SMYD1: variants seen among roughly 807,000 people sequenced by gnomAD.
SMYD1 encodes the protein SET and MYND domain containing 1.
Under a neutral mutation model 54.0 loss-of-function variants are expected in SMYD1, and 49 were observed. The observed-to-expected ratio is 0.91, with a 90% CI of 0.72 to 1.15. The LOEUF is 1.15. Ranked by LOEUF, SMYD1 falls within the 50% of genes most tolerant of loss-of-function variation. SMYD1 has a pLI of 0.00. For missense variants in SMYD1, 653 were observed against 639.6 expected, an observed-to-expected ratio of 1.02 and a Z score of -0.23; for synonymous variants, 269 against 234.2, an observed-to-expected ratio of 1.15 and a Z score of -1.36.
In SMYD1 at chr2:88,087,887, G is replaced by C; in HGVS notation, c.340G>C (p.Val114Leu). ...GCTGGCGGCGCGCATCATGTGGCGG[G>C]TGGAGAGAGAAGGCACCGGGCTCAC... ...IRLAARIMWR[V>L]EREGTGLTEG... The change falls in exon 3 of 10, where the codon GTG (valine) becomes CTG (leucine). Residue 114 changes from valine to leucine, a missense_variant. Physicochemically the swap from Val to Leu is conservative, Grantham distance 32 (BLOSUM62 1). Coordinates refer to ENST00000419482, the MANE Select transcript of SMYD1 (RefSeq NM_198274.4). 1 of 1,599,252 alleles carries C rather than the reference G, an allele frequency of 6.3e-7. No individual in the cohort carries two copies. Among genetic ancestry groups the C allele is most frequent in the Non-Finnish European group, 8.5e-7 (1 of 1,171,752 alleles).
chr2:88,093,651 C>T, intron 5 of SMYD1, 96 bp downstream of exon 5: 2 of 1,337,412 alleles, frequency 1.5e-6, no homozygotes, highest in East Asian at 2.3e-5. Context: ...TTCTTGGCTG[C>T]CATCTGTCCA....
Position 88,096,664 on chromosome 2 carries a change from C to T in SMYD1, c.768C>T (p.Leu256=), listed in dbSNP as rs1298361507. 1 of 1,614,180 alleles carries T rather than the reference C, an allele frequency of 6.2e-7. No individual in the cohort carries two copies. Among genetic ancestry groups the T allele is most frequent in the Non-Finnish European group, 8.5e-7 (1 of 1,180,026 alleles). Residue 256 remains leucine (L), a synonymous_variant, in exon 6 of 10, where the codon CTC becomes CTT. Transcript: ENST00000419482. The part of the protein sequence containing the change: ...EELTVSYIDF[L]NVSEERKRQL... ...TGACTGTGTCCTATATTGACTTCCT[C>T]AACGTTAGTGAAGAACGCAAGAGGC...
At chr2:88,108,152 G>C (rs1232946792) in intron 8 of SMYD1, among the ~76,000 whole-genome samples, 3 of 152,196 alleles carry the variant, frequency 2.0e-5, no homozygotes, top group African/African-American at 7.2e-5. Context: ...GGGCAGCCCA[G>C]GCCGGAGTTT....
At chr2:88,102,558 C>T (rs974441474) in intron 6 of SMYD1, among the ~76,000 whole-genome samples, 2 of 152,156 alleles carry the variant, frequency 1.3e-5, no homozygotes, top group African/African-American at 4.8e-5. Flanking sequence ...TTAATGAACT[C>T]GAAGACAAAT....
At chr2:88,072,014 A>C (rs1259559183) in intron 1 of SMYD1, among the ~76,000 whole-genome samples, 1 of 152,098 alleles carries the variant, frequency 6.6e-6, no homozygotes, top group African/African-American at 2.4e-5. Flanking sequence ...AAAAAAAAAA[A>C]AAACCCCAGC....
intron 3 of SMYD1, among the ~76,000 whole-genome samples, chr2:88,090,616 A>G (rs1674439449): frequency 6.6e-6 from 1 of 151,906 alleles, no homozygotes; most frequent in Non-Finnish European, 1.5e-5. Flanking sequence ...GGCAGAGGAA[A>G]CAGGGGAAGG....
chr2:88,070,715 G>A (rs1418016281), intron 1 of SMYD1, among the ~76,000 whole-genome samples: 5 of 151,734 alleles, frequency 3.3e-5, no homozygotes, highest in Admixed American at 6.6e-5. Context: ...AGAACCAGGC[G>A]GGCGGATCAC....
chr2:88,106,748 T>C (rs1382629908), intron 8 of SMYD1, among the ~76,000 whole-genome samples: 1 of 152,216 alleles, frequency 6.6e-6, no homozygotes, highest in Non-Finnish European at 1.5e-5. Flanking sequence ...ATCACTTGGG[T>C]GGCATCTTCT....
At chr2:88,085,878 G>A (rs961641500) in intron 2 of SMYD1, among the ~76,000 whole-genome samples, 9 of 152,200 alleles carry the variant, frequency 5.9e-5, no homozygotes, top group African/African-American at 1.4e-4. Flanking sequence ...GATGAAAAAC[G>A]TTCTGGAAAC....
intron 6 of SMYD1, 86 bp from the exon 7 acceptor site, chr2:88,102,972 T>C (rs1482248367): frequency 2.0e-6 from 2 of 1,012,516 alleles, no homozygotes; most frequent in Non-Finnish European, 3.1e-6. Flanking sequence ...TTGTGCTACA[T>C]TGAATGTCAA....
In SMYD1 at chr2:88,111,971, C is replaced by T; in HGVS notation, c.*1459C>T. 2 of 683,112 alleles carry T rather than the reference C, an allele frequency of 2.9e-6. No homozygotes were observed. The highest frequency in any genetic ancestry group is 2.7e-5 in the East Asian group (1 of 36,942). 42.3% of individuals were successfully genotyped at this position (683,112 alleles called of 1,614,324 possible). ...GCCTAAATGTTAGCTTCTCCATCCT[C>T]ACCACATGATGACCTGCTGTGTCCC... On this transcript the variant is annotated 3_prime_UTR_variant, in exon 10 of 10. Transcript: ENST00000419482.
At chr2:88,100,061 C>A (rs964382444) in intron 6 of SMYD1, among the ~76,000 whole-genome samples, 2 of 151,724 alleles carry the variant, frequency 1.3e-5, no homozygotes, top group Non-Finnish European at 2.9e-5. Flanking sequence ...TGGCTCCTCC[C>A]CCCCTCTTCC....
Position 88,087,870 on chromosome 2 carries a change from C to A in SMYD1, c.323C>A (p.Ala108Glu). Residue 108 changes from alanine (A) to glutamate (E), a missense_variant, in exon 3 of 10, where the codon GCG becomes GAG. By Grantham distance (107) the Ala-to-Glu change is moderately radical. Transcript: ENST00000419482. ...CGCTGCCCTTCCCACAGGCTGGCGG[C>A]GCGCATCATGTGGCGGGTGGAGAGA... is the stretch of plus-strand genomic sequence containing the variant. ...KVPNENIRLA[A>E]RIMWRVEREG... 6.3e-7 allele frequency: 1 copy of A among 1,580,392 alleles called. No individual in the cohort carries two copies.
chr2:88,085,070 T>C (rs988880686), intron 2 of SMYD1, among the ~76,000 whole-genome samples: 1 of 152,034 alleles, frequency 6.6e-6, no homozygotes, highest in Admixed American at 6.5e-5. Context: ...TATTTTTAAA[T>C]TGATCCACCA....
rs61024525 is a variant in SMYD1, at chr2:88,070,942, C to CAAAAAAAAAA, written c.137+2957_137+2966dup. On this transcript the variant is annotated intron_variant, in intron 1 of 9. Transcript: ENST00000419482. ...TGGGTGACAGAGCAAGACTATTTCT[C>CAAAAAAAAAA]AAAAAAAAAAAAAAAAAAAAAAAAA... Among the ~76,000 whole-genome samples the CAAAAAAAAAA allele has an allele frequency of 6.7e-5, 4 of 60,128 alleles. 1 individual carries two copies. The highest frequency in any genetic ancestry group is 9.3e-5 in the Non-Finnish European group (3 of 32,114). 39.4% of individuals were successfully genotyped at this position (60,128 alleles called of 152,430 possible).
chr2:88,103,817 T>C (rs779931560), intron 7 of SMYD1, among the ~76,000 whole-genome samples: 47 of 152,162 alleles, frequency 3.1e-4, no homozygotes, highest in African/African-American at 9.9e-4. Context: ...TCCATTCTCA[T>C]ACTCTAAGAT....
chr2:88,092,468 A>G (rs1216388399), intron 4 of SMYD1, among the ~76,000 whole-genome samples: 2 of 152,166 alleles, frequency 1.3e-5, no homozygotes, highest in Non-Finnish European at 2.9e-5. Flanking sequence ...ATCAACAATG[A>G]GCAAGTTTCC....
intron 5 of SMYD1, 69 bp downstream of exon 5, chr2:88,093,624 C>T: frequency 6.4e-7 from 1 of 1,563,808 alleles, no homozygotes; most frequent in South Asian, 1.1e-5. Context: ...TTTGCTGGGG[C>T]CACCCATTCC....
intron 4 of SMYD1, 32 bp from the exon 5 acceptor site, chr2:88,093,485 A>G (rs1330072590): frequency 6.2e-7 from 1 of 1,613,952 alleles, no homozygotes; most frequent in East Asian, 2.2e-5. Context: ...AATGATAATG[A>G]TTTCCATATG....
Sources: allele counts gnomAD v4.1 joint callset (sites outside exome capture counted in the v4.1 genomes callset), GRCh38; gene constraint gnomAD v4.1.1; transcripts MANE v1.5; gene names NCBI Gene and HGNC (gene_info 2026-07-23, HGNC 2026-07-21).